The following CPQ variants were observed in gnomAD, a reference collection of about 807,000 sequenced individuals.
The protein encoded by CPQ is Ser-Met dipeptidase.
CPQ carries 37 observed loss-of-function variants against 45.7 expected under a neutral mutation model. That is an observed-to-expected ratio of 0.81 (90% CI 0.62 to 1.07). CPQ has a LOEUF of 1.07. Ranked by LOEUF, CPQ falls within the 50% of genes least tolerant of loss-of-function variation. The pLI is 0.00. For synonymous variants in CPQ, 186 were observed against 205.8 expected (o/e 0.90, Z 0.82); for missense variants, 537 against 572.9 (o/e 0.94, Z 0.64).
intron 6 of CPQ, among the ~76,000 whole-genome samples, chr8:97,035,480 AC>A (rs1282770479): frequency 1.1e-4 from 17 of 152,178 alleles, no homozygotes; most frequent in East Asian, 9.6e-4. Context: ...ATTTCCACCA[AC>A]AACATGTGGG....
intron 7 of CPQ, among the ~76,000 whole-genome samples, chr8:97,072,142 T>C (rs185237265): frequency 6.6e-6 from 1 of 152,298 alleles, no homozygotes; most frequent in Admixed American, 6.5e-5. Flanking sequence ...TTACCTAGAT[T>C]GGCTTATACT....
chr8:96,922,668 T>C (rs778292103), intron 4 of CPQ, among the ~76,000 whole-genome samples: 3 of 152,250 alleles, frequency 2.0e-5, no homozygotes, highest in Non-Finnish European at 4.4e-5. Context: ...TTCAAACCAA[T>C]GTCTCCGACA....
intron 6 of CPQ, among the ~76,000 whole-genome samples, chr8:97,050,271 A>G (rs888125210): frequency 5.9e-5 from 9 of 152,238 alleles, no homozygotes; most frequent in African/African-American, 1.7e-4. Context: ...TTAAAATTTA[A>G]TGATCTGTGT....
intron 7 of CPQ, among the ~76,000 whole-genome samples, chr8:97,119,715 A>G (rs1200151669): frequency 6.6e-6 from 1 of 152,190 alleles, no homozygotes; most frequent in South Asian, 2.1e-4. Context: ...GCATCGTGAC[A>G]CTACATCAAA....
chr8:97,046,961 G>GTT (rs201608185), intron 6 of CPQ, among the ~76,000 whole-genome samples: 1 of 151,832 alleles, frequency 6.6e-6, no homozygotes, highest in Non-Finnish European at 1.5e-5. Context: ...AAAGTAATTT[G>GTT]TTTTTTTTCA....
At chr8:97,120,260 C>T (rs1811678761) in intron 7 of CPQ, among the ~76,000 whole-genome samples, 1 of 152,068 alleles carries the variant, frequency 6.6e-6, no homozygotes, top group Non-Finnish European at 1.5e-5. Context: ...CCAGGTGCAG[C>T]CCATTTATAG....
intron 3 of CPQ, among the ~76,000 whole-genome samples, chr8:96,864,761 G>T (rs1811975332): frequency 6.6e-6 from 1 of 151,966 alleles, no homozygotes; most frequent in Non-Finnish European, 1.5e-5. Flanking sequence ...CTTGTTGTCT[G>T]TATTTTCAAA....
chr8:97,078,704 A>T (rs896075050), intron 7 of CPQ, among the ~76,000 whole-genome samples: 1 of 151,790 alleles, frequency 6.6e-6, no homozygotes, highest in African/African-American at 2.4e-5. Flanking sequence ...TCTACTAGAG[A>T]TGTACAAATT....
intron 2 of CPQ, among the ~76,000 whole-genome samples, chr8:96,802,004 CTT>C (rs376820656): frequency 3.9e-5 from 6 of 152,156 alleles, no homozygotes; most frequent in Non-Finnish European, 4.4e-5. Context: ...GATTCCATCT[CTT>C]TGTCTTTGTG....
At chr8:97,102,286 A>T (rs1811326164) in intron 7 of CPQ, among the ~76,000 whole-genome samples, 1 of 152,212 alleles carries the variant, frequency 6.6e-6, no homozygotes, top group African/African-American at 2.4e-5. Context: ...AGAAGCTCTT[A>T]GAAACCAAAG....
chr8:96,858,618 A>T (rs1010679559), intron 3 of CPQ, among the ~76,000 whole-genome samples: 1 of 152,184 alleles, frequency 6.6e-6, no homozygotes, highest in African/African-American at 2.4e-5. Context: ...TTCAAGGCAG[A>T]CGGGTTGCTG....
chr8:96,767,635 C>CTTTTTTTTTTTTTTTTTTTTTTTTT (rs1172189500), intron 1 of CPQ, among the ~76,000 whole-genome samples: 1 of 39,314 alleles, frequency 2.5e-5, no homozygotes, highest in Non-Finnish European at 4.4e-5. Context: ...GTTACCTATG[C>CTTTTTTTTTTTTTTTTTTTTTTTTT]TTTTTTTTTT....
chr8:96,652,919 C>T (rs1286939100), intron 1 of CPQ, among the ~76,000 whole-genome samples: 1 of 152,222 alleles, frequency 6.6e-6, no homozygotes, highest in Non-Finnish European at 1.5e-5. Context: ...CAGGCGTGAG[C>T]CACCGCACCC....
At chr8:96,999,822 C>A (rs1391072231) in intron 5 of CPQ, among the ~76,000 whole-genome samples, 1 of 152,078 alleles carries the variant, frequency 6.6e-6, no homozygotes, top group Non-Finnish European at 1.5e-5. Context: ...ATGCTGTCTT[C>A]CACAATGGCT....
rs758899042 is a variant in CPQ, at chr8:96,785,076, A to G, written c.179A>G (p.Gln60Arg). ...IINLAVYGKA[Q>R]NRSYERLALL... ...AACCTAGCTGTTTATGGTAAAGCCCAGAACAGATCCTATGAGCGATTGGCA... is the reference window on the plus strand; with the variant it reads ...AACCTAGCTGTTTATGGTAAAGCCCGGAACAGATCCTATGAGCGATTGGCA... The change falls in exon 2 of 8, where the codon CAG (glutamine) becomes CGG (arginine). Residue 60 changes from glutamine (Q) to arginine (R), a missense_variant. Physicochemically the swap from Gln to Arg is conservative, Grantham distance 43. Transcript: ENST00000220763. 4 of 1,613,748 alleles carry G rather than the reference A, an allele frequency of 2.5e-6. No homozygotes were observed. The highest frequency in any genetic ancestry group is 4.5e-5 in the East Asian group (2 of 44,852).
intron 5 of CPQ, among the ~76,000 whole-genome samples, chr8:96,970,822 C>G (rs1450976982): frequency 6.6e-6 from 1 of 152,160 alleles, no homozygotes; most frequent in Non-Finnish European, 1.5e-5. Context: ...CTCGGCCTCC[C>G]AAAGTGCTGG....
At chr8:96,758,927 A>G (rs779859514) in intron 1 of CPQ, among the ~76,000 whole-genome samples, 48 of 152,302 alleles carry the variant, frequency 3.2e-4, no homozygotes, top group Admixed American at 2.6e-4. Flanking sequence ...TGTTTCATAC[A>G]TACCTACTGA....
intron 1 of CPQ, among the ~76,000 whole-genome samples, chr8:96,683,662 A>T (rs1049531188): frequency 2.0e-5 from 3 of 151,054 alleles, no homozygotes; most frequent in African/African-American, 7.3e-5. Context: ...CAGAATTAGA[A>T]TTTTTTTCTT....
intron 7 of CPQ, among the ~76,000 whole-genome samples, chr8:97,103,804 A>T (rs753180883): frequency 2.0e-5 from 3 of 152,202 alleles, no homozygotes; most frequent in African/African-American, 7.2e-5. Flanking sequence ...AGTCACAGGC[A>T]GACAGTGTAG....
Sources: allele counts gnomAD v4.1 joint callset (sites outside exome capture counted in the v4.1 genomes callset), GRCh38; gene constraint gnomAD v4.1.1; transcripts MANE v1.5; gene names NCBI Gene and HGNC (gene_info 2026-07-23, HGNC 2026-07-21).